Variants in FBXW11 observed in about 807,000 individuals in gnomAD.
FBXW11 encodes the protein F-box/WD repeat-containing protein 11.
FBXW11 carries 19 observed loss-of-function variants against 77.6 expected under a neutral mutation model. The ratio of observed to expected loss-of-function variants is 0.24; its 90% CI spans 0.17 to 0.36. FBXW11 has a LOEUF of 0.36. Ranked by LOEUF, FBXW11 falls within the 10% of genes least tolerant of loss-of-function variation. The pLI is 1.00. For synonymous variants in FBXW11, 235 were observed against 249.4 expected (o/e 0.94, Z 0.54); for missense variants, 334 against 704.2 (o/e 0.47, Z 5.95).
chr5:171,964,375 T>C (rs887728392), intron 1 of FBXW11, among the ~76,000 whole-genome samples: 3 of 152,270 alleles, frequency 2.0e-5, no homozygotes, highest in African/African-American at 7.2e-5. Flanking sequence ...TCTCTAGCCA[T>C]GAGTGAGGAC....
chr5:171,871,375 A>G (rs558545687), intron 10 of FBXW11, among the ~76,000 whole-genome samples: 2 of 152,228 alleles, frequency 1.3e-5, no homozygotes, highest in Non-Finnish European at 2.9e-5. Context: ...AGTGGAGTCC[A>G]TAAGGACCAC....
chr5:171,950,049 G>C (rs187683196), intron 2 of FBXW11, among the ~76,000 whole-genome samples: 1 of 152,216 alleles, frequency 6.6e-6, no homozygotes, highest in Admixed American at 6.5e-5. Flanking sequence ...TCTTAATATG[G>C]AAGGGAAGTT....
intron 1 of FBXW11, among the ~76,000 whole-genome samples, chr5:171,987,729 G>A (rs541644389): frequency 4.6e-5 from 7 of 151,950 alleles, no homozygotes; most frequent in Admixed American, 2.0e-4. Context: ...CTGGGATTAC[G>A]GGCGTGAGCT....
chr5:171,975,155 G>A (rs1764758331), intron 1 of FBXW11, among the ~76,000 whole-genome samples: 1 of 152,136 alleles, frequency 6.6e-6, no homozygotes, highest in African/African-American at 2.4e-5. Context: ...TGGCTGGAGA[G>A]GTACAAGACC....
chr5:171,890,279 C>T lies in FBXW11; in HGVS notation c.852+1188G>A, dbSNP rs557506990. On this transcript the variant is annotated intron_variant, in intron 7 of 13. Coordinates refer to ENST00000517395, the MANE Select transcript of FBXW11 (RefSeq NM_001378974.1). ...GTGGTGGCTGCTCACGCCCGTAATC[C>T]CCGCACTTTGGGGCAGGCGCATTAC... Among the ~76,000 whole-genome samples, 19 of 152,108 alleles carry T rather than the reference C, an allele frequency of 1.2e-4. No individual in the cohort carries two copies. In the South Asian group the frequency reaches 3.9e-3, roughly 32 times the overall value.
At chr5:171,987,841 A>C (rs989759372) in intron 1 of FBXW11, among the ~76,000 whole-genome samples, 1 of 152,154 alleles carries the variant, frequency 6.6e-6, no homozygotes, top group Non-Finnish European at 1.5e-5. Flanking sequence ...TGATCCTTAC[A>C]AGTTTTCACA....
intron 1 of FBXW11, among the ~76,000 whole-genome samples, chr5:171,997,207 G>A (rs1246663857): frequency 2.0e-5 from 3 of 152,232 alleles, no homozygotes; most frequent in Non-Finnish European, 2.9e-5. Context: ...TAAAATGCCT[G>A]CAGCAGCATT....
intron 7 of FBXW11, among the ~76,000 whole-genome samples, chr5:171,886,569 T>C (rs1438860832): frequency 2.0e-5 from 3 of 151,484 alleles, no homozygotes; most frequent in Non-Finnish European, 4.4e-5. Context: ...ACTTAAAGTA[T>C]AATAAAAAAT....
rs575004587 is a variant in FBXW11, at chr5:171,976,868, G to C, written c.46-19170C>G. 7.2e-5 allele frequency among the ~76,000 whole-genome samples: 11 copies of C among 152,094 alleles called. No individual in the cohort carries two copies. The East Asian group carries it at 2.1e-3, about 29-fold the overall frequency. ...TTGAGACTAGCCTGACCAACACAGT[G>C]AAATCCCATCTCTACTAAAAACACA... is the stretch of plus-strand genomic sequence containing the variant. On this transcript the variant is annotated intron_variant, in intron 1 of 13. Coordinates refer to ENST00000517395, the MANE Select transcript of FBXW11 (RefSeq NM_001378974.1).
rs140027847 is a variant in FBXW11, at chr5:171,961,649, A to ATT, written c.46-3953_46-3952dup. Among the ~76,000 whole-genome samples the ATT allele has an allele frequency of 1.7e-3, 252 of 150,394 alleles. 1 individual carries two copies. Among genetic ancestry groups the ATT allele is most frequent in the African/African-American group, 5.1e-3 (210 of 41,032 alleles). On this transcript the variant is annotated intron_variant, in intron 1 of 13. Transcript: ENST00000517395. ...ACAGCTAGGACCACAACAGTAATTG[A>ATT]TTTTTTTTTTCTTTTGAGATGGAGC...
intron 1 of FBXW11, among the ~76,000 whole-genome samples, chr5:171,967,996 A>C (rs1764313049): frequency 6.6e-6 from 1 of 151,962 alleles, no homozygotes; most frequent in African/African-American, 2.4e-5. Flanking sequence ...ATGAGGCCAT[A>C]CAATTGACAG....
chr5:171,919,475 A>G (rs1761450244), intron 2 of FBXW11, among the ~76,000 whole-genome samples: 1 of 152,222 alleles, frequency 6.6e-6, no homozygotes, highest in Admixed American at 6.5e-5. Context: ...GTCTTTTACA[A>G]GGAAAAATTA....
intron 2 of FBXW11, among the ~76,000 whole-genome samples, chr5:171,917,205 C>T (rs1467000516): frequency 6.6e-6 from 1 of 152,218 alleles, no homozygotes; most frequent in Non-Finnish European, 1.5e-5. Context: ...AGGCATGAGC[C>T]ACTGCACCCA....
intron 2 of FBXW11, among the ~76,000 whole-genome samples, chr5:171,916,727 G>A (rs983654811): frequency 2.6e-5 from 4 of 152,104 alleles, no homozygotes; most frequent in African/African-American, 7.2e-5. Flanking sequence ...AGGCCACAAT[G>A]TCTGGGTTCT....
At chr5:171,958,979 A>T (rs970648400) in intron 1 of FBXW11, among the ~76,000 whole-genome samples, 18 of 151,682 alleles carry the variant, frequency 1.2e-4, no homozygotes, top group Non-Finnish European at 2.5e-4. Context: ...TAGTGGATAA[A>T]TTCTATTATC....
intron 3 of FBXW11, among the ~76,000 whole-genome samples, chr5:171,913,826 C>CACACACACACATACAT (rs1394069059): frequency 1.8e-5 from 2 of 112,180 alleles, no homozygotes; most frequent in Non-Finnish European, 3.5e-5. Context: ...CATACACACA[C>CACACACACACATACAT]ACACACACAC....
rs1757611853 is a variant in FBXW11 at position 171,869,181 on chromosome 5, T to A, written c.1531-385A>T. Among the ~76,000 whole-genome samples, 1 of 152,158 alleles carries A rather than the reference T, an allele frequency of 6.6e-6. No homozygotes were observed. Among genetic ancestry groups the A allele is most frequent in the African/African-American group, 2.4e-5 (1 of 41,438 alleles). On this transcript the variant is annotated intron_variant, in intron 12 of 13. Coordinates refer to ENST00000517395, the MANE Select transcript of FBXW11 (RefSeq NM_001378974.1). This position sits in a 1 kb window ranked among gnomAD's most constrained non-coding sequence, Gnocchi z 4.1. ...GATCTACCTCAAATTGCTGCCAGCA[T>A]CAAAATTCATGGTGAAATAATAATA...
chr5:171,915,194 C>G (rs904905704), intron 2 of FBXW11, among the ~76,000 whole-genome samples: 35 of 152,274 alleles, frequency 2.3e-4, no homozygotes, highest in African/African-American at 7.7e-4. Flanking sequence ...AGTAACAACT[C>G]ATTTATGGAT....
intron 2 of FBXW11, among the ~76,000 whole-genome samples, chr5:171,952,858 T>C (rs1225273602): frequency 3.9e-5 from 6 of 152,150 alleles, no homozygotes; most frequent in African/African-American, 7.2e-5. Flanking sequence ...TGAGATTTTT[T>C]TTCTTTCGCA....
Sources: allele counts gnomAD v4.1 joint callset (sites outside exome capture counted in the v4.1 genomes callset), GRCh38; gene constraint gnomAD v4.1.1; non-coding constraint Gnocchi (gnomAD v3.1); transcripts MANE v1.5; gene names NCBI Gene and HGNC (gene_info 2026-07-23, HGNC 2026-07-21).